Variants in FRMD5 observed in about 807,000 individuals in gnomAD.
The protein encoded by FRMD5 is FERM domain-containing protein 5.
Under a neutral mutation model 69.0 loss-of-function variants are expected in FRMD5, and 20 were observed. The observed-to-expected ratio is 0.29, with a 90% CI of 0.20 to 0.42. The LOEUF (loss-of-function observed/expected upper bound fraction) is 0.42, where lower values mean the gene tolerates loss of function less well. Ranked by LOEUF, FRMD5 falls within the 10% of genes least tolerant of loss-of-function variation. The pLI, the probability that FRMD5 is intolerant of heterozygous loss-of-function variation, is 1.00. For synonymous variants in FRMD5, 271 were observed against 260.1 expected (o/e 1.04, Z -0.40); for missense variants, 595 against 708.6 (o/e 0.84, Z 1.82).
chr15:44,101,558 G>A (rs2076640544), intron 1 of FRMD5: 1 of 152,638 alleles, frequency 6.6e-6, no homozygotes, highest in Non-Finnish European at 1.5e-5. Flanking sequence ...GACTTATCAT[G>A]AAAGCTGGTA....
At chr15:44,112,611 C>T (rs542944097) in intron 1 of FRMD5, among the ~76,000 whole-genome samples, 2 of 151,900 alleles carry the variant, frequency 1.3e-5, no homozygotes, top group African/African-American at 2.4e-5. Context: ...GGACTACAGG[C>T]GCCCGCCACC....
At chr15:44,038,632 C>T (rs576239695) in intron 1 of FRMD5, among the ~76,000 whole-genome samples, 1 of 142,622 alleles carries the variant, frequency 7.0e-6, no homozygotes, top group African/African-American at 2.6e-5. Context: ...CAGGTGATTT[C>T]TGCATTTCCA....
At chr15:44,189,158 A>G (rs1298182046) in intron 1 of FRMD5, among the ~76,000 whole-genome samples, 1 of 152,342 alleles carries the variant, frequency 6.6e-6, no homozygotes, top group East Asian at 1.9e-4. Context: ...TTTGAACCTA[A>G]GAGTCTTTAC....
chr15:44,135,275 A>G (rs1189314650), intron 1 of FRMD5, among the ~76,000 whole-genome samples: 2 of 152,232 alleles, frequency 1.3e-5, no homozygotes, highest in Non-Finnish European at 2.9e-5. Context: ...ACAAATGGAG[A>G]AAAGGAAAGG....
chr15:43,889,548 C>G (rs896187268), intron 8 of FRMD5, among the ~76,000 whole-genome samples: 3 of 152,208 alleles, frequency 2.0e-5, no homozygotes, highest in African/African-American at 7.2e-5. Flanking sequence ...AAACAGGATA[C>G]TGGGGTACAT....
chr15:44,002,146 T>C (rs959532681), intron 1 of FRMD5, among the ~76,000 whole-genome samples: 2 of 152,190 alleles, frequency 1.3e-5, no homozygotes, highest in African/African-American at 4.8e-5. Context: ...AGGCCCATCT[T>C]ACCCTTTCTC....
chr15:44,164,249 T>G (rs1406624169), intron 1 of FRMD5, among the ~76,000 whole-genome samples: 1 of 152,236 alleles, frequency 6.6e-6, no homozygotes, highest in Non-Finnish European at 1.5e-5. Flanking sequence ...CCCTACTTGA[T>G]CATGGTACAT....
chr15:44,135,792 C>T (rs2077174120), intron 1 of FRMD5, among the ~76,000 whole-genome samples: 2 of 147,496 alleles, frequency 1.4e-5, no homozygotes, highest in Non-Finnish European at 3.0e-5. Flanking sequence ...ACTACTGACT[C>T]CAGCCTGGGA....
Position 43,946,138 on chromosome 15 carries a change from C to T in FRMD5, c.103-21829G>A, listed in dbSNP as rs549858401. ...TCCTCTTGGCTTCCCTCTTCCAGTCCTATCCAGGTCCTTTGCTCTCTTATC... is the reference window on the plus strand; with the variant it reads ...TCCTCTTGGCTTCCCTCTTCCAGTCTTATCCAGGTCCTTTGCTCTCTTATC... On this transcript the variant is annotated intron_variant, in intron 1 of 13. Coordinates refer to ENST00000417257, the MANE Select transcript of FRMD5 (RefSeq NM_032892.5). Among the ~76,000 whole-genome samples the T allele has an allele frequency of 2.0e-5, 3 of 152,192 alleles. No individual in the cohort carries two copies. The East Asian group carries it at 5.8e-4, about 29-fold the overall frequency.
At chr15:44,120,889 C>G (rs545583370) in intron 1 of FRMD5, among the ~76,000 whole-genome samples, 2 of 152,076 alleles carry the variant, frequency 1.3e-5, no homozygotes, top group East Asian at 3.9e-4. Context: ...CTGGAATGAA[C>G]CCAAGTAGAG....
intron 1 of FRMD5, among the ~76,000 whole-genome samples, chr15:44,118,407 T>A (rs1225852876): frequency 6.6e-6 from 1 of 152,204 alleles, no homozygotes; most frequent in African/African-American, 2.4e-5. Context: ...CAGAACATAT[T>A]TGTGGTCTCC....
chr15:43,957,457 C>G (rs1461308575), intron 1 of FRMD5, among the ~76,000 whole-genome samples: 1 of 152,210 alleles, frequency 6.6e-6, no homozygotes, highest in African/African-American at 2.4e-5. Context: ...TTTGGTCTCC[C>G]AAAGTGCTGG....
intron 1 of FRMD5, among the ~76,000 whole-genome samples, chr15:44,038,520 C>CTTTTTTTTTTTT (rs71111834): frequency 0.031 from 1,942 of 63,056 alleles, 363 homozygotes; most frequent in Middle Eastern, 0.054. Flanking sequence ...CTAGCCAGAG[C>CTTTTTTTTTTTT]TTTTTTTTTT....
chr15:43,913,997 G>T (rs2089337161), intron 4 of FRMD5, among the ~76,000 whole-genome samples: 1 of 152,170 alleles, frequency 6.6e-6, no homozygotes, highest in African/African-American at 2.4e-5. Context: ...TCTCTTTCTG[G>T]CCTCAGAGGG....
At chr15:44,180,667 C>T (rs1252890714) in intron 1 of FRMD5, among the ~76,000 whole-genome samples, 2 of 152,204 alleles carry the variant, frequency 1.3e-5, no homozygotes, top group Non-Finnish European at 2.9e-5. Context: ...CACCTTTAAT[C>T]CCAGCTACTC....
chr15:44,046,540 A>C (rs1456217807), intron 1 of FRMD5, among the ~76,000 whole-genome samples: 1 of 152,204 alleles, frequency 6.6e-6, no homozygotes, highest in Non-Finnish European at 1.5e-5. Context: ...ATGCACAAAA[A>C]TACTGGCTCA....
At chr15:44,136,105 T>G (rs1049494424) in intron 1 of FRMD5, among the ~76,000 whole-genome samples, 4 of 152,068 alleles carry the variant, frequency 2.6e-5, no homozygotes, top group Non-Finnish European at 2.9e-5. Context: ...CACTGCAACC[T>G]TCACCTCCCA....
At chr15:44,070,941 G>A (rs1373207193) in intron 1 of FRMD5, among the ~76,000 whole-genome samples, 6 of 152,052 alleles carry the variant, frequency 3.9e-5, no homozygotes, top group Non-Finnish European at 8.8e-5. Flanking sequence ...AAAAGGTCTG[G>A]CCCCTCTTCT....
chr15:44,190,842 G>A (rs531469764), intron 1 of FRMD5, among the ~76,000 whole-genome samples: 1 of 152,198 alleles, frequency 6.6e-6, no homozygotes, highest in East Asian at 1.9e-4. Context: ...ACTATGTAAG[G>A]CATCGAACTA....
Sources: gnomAD v4.1 joint callset for allele counts (sites outside exome capture counted in the v4.1 genomes callset) on GRCh38, gnomAD v4.1.1 for gene constraint, MANE v1.5 for transcripts, NCBI Gene and HGNC (gene_info 2026-07-23, HGNC 2026-07-21) for gene names.